Variants in LUC7L3 observed in about 807,000 individuals in gnomAD.
The protein encoded by LUC7L3 is luc7-like protein 3.
Under a neutral mutation model 66.8 loss-of-function variants are expected in LUC7L3, and 6 were observed. The observed-to-expected ratio is 0.09, with a 90% CI of 0.05 to 0.18. The LOEUF is 0.18. Among genes scored for constraint, LUC7L3 ranks in the 10% least tolerant of loss-of-function variants. The pLI, the probability that LUC7L3 is intolerant of heterozygous loss-of-function variation, is 1.00. For synonymous variants in LUC7L3, 160 were observed against 174.7 expected (o/e 0.92, Z 0.66); for missense variants, 341 against 531.1 (o/e 0.64, Z 3.52).
chr17:50,752,223 A>G lies in LUC7L3; in HGVS notation c.*1562A>G, dbSNP rs1971006969. 1.6e-6 allele frequency: 2 copies of G among 1,286,746 alleles called. No individual in the cohort carries two copies. Among genetic ancestry groups the G allele is most frequent in the Non-Finnish European group, 2.0e-6 (2 of 987,370 alleles). The allele number at this position is 1,286,746 out of a possible 1,614,324, so 79.7% of individuals were successfully genotyped here. On this transcript the variant is annotated 3_prime_UTR_variant, in exon 10 of 10. Coordinates refer to ENST00000505658, the MANE Select transcript of LUC7L3 (RefSeq NM_016424.5). Reference sequence around the variant, plus strand: ...AGGACTACTGTTCGAAGATTTTTGGAAGAATACTGAGAACGGCATAAAGTG... The same window carrying G: ...AGGACTACTGTTCGAAGATTTTTGGGAGAATACTGAGAACGGCATAAAGTG...
chr17:50,737,966 T>C (rs1970086544), intron 2 of LUC7L3: 1 of 316,350 alleles, frequency 3.2e-6, no homozygotes, highest in Admixed American at 4.5e-5. Flanking sequence ...CCTTAGAGCA[T>C]TAGGAGCATA....
intron 1 of LUC7L3, among the ~76,000 whole-genome samples, chr17:50,721,429 A>T (rs150791331): frequency 8.9e-4 from 135 of 152,304 alleles, no homozygotes; most frequent in Middle Eastern, 3.4e-3. Context: ...ATAGCAATTT[A>T]GGTTTTATGT....
rs1406506564 is a variant in LUC7L3 at position 50,741,083 on chromosome 17, T to C, written c.207-19T>C. On this transcript the variant is annotated intron_variant, in intron 3 of 9. Transcript: ENST00000505658. Reference sequence around the variant, plus strand: ...CTGAAGATTTGGAAATGAGTACTTGTTTATTTTCATGTTACCAGGTATGAG... The same window carrying C: ...CTGAAGATTTGGAAATGAGTACTTGCTTATTTTCATGTTACCAGGTATGAG... The C allele has an allele frequency of 6.2e-7, 1 of 1,613,696 alleles. No individual in the cohort carries two copies. Among genetic ancestry groups the C allele is most frequent in the African/African-American group, 1.3e-5 (1 of 75,026 alleles).
chr17:50,735,736 T>G (rs535402656), intron 1 of LUC7L3, among the ~76,000 whole-genome samples: 1 of 152,224 alleles, frequency 6.6e-6, no homozygotes, highest in African/African-American at 2.4e-5. Context: ...GGGCTAAAGT[T>G]ATCCTCCTGC....
At chr17:50,729,429 C>G (rs1272864735) in intron 1 of LUC7L3, among the ~76,000 whole-genome samples, 1 of 152,164 alleles carries the variant, frequency 6.6e-6, no homozygotes, top group East Asian at 1.9e-4. Context: ...ACAATAATTT[C>G]ATTGTAATAT....
chr17:50,751,462 A>T lies in LUC7L3; in HGVS notation c.*801A>T. 8.0e-7 allele frequency: 1 copy of T among 1,248,022 alleles called. No individual in the cohort carries two copies. Among genetic ancestry groups the T allele is most frequent in the Non-Finnish European group, 1.0e-6 (1 of 966,148 alleles). The allele number at this position is 1,248,022 out of a possible 1,614,324, so 77.3% of individuals were successfully genotyped here. A position where few individuals can be genotyped will look rare whatever the true frequency, so the allele number is the denominator to read the frequency against. On this transcript the variant is annotated 3_prime_UTR_variant, in exon 10 of 10. Coordinates refer to ENST00000505658, the MANE Select transcript of LUC7L3 (RefSeq NM_016424.5). Reference sequence around the variant, plus strand: ...CTGTTGTGTATCTTTTTTGTTCTTTACAAGAAGTGCAGAGGGGTTTTTTGT... The same window carrying T: ...CTGTTGTGTATCTTTTTTGTTCTTTTCAAGAAGTGCAGAGGGGTTTTTTGT...
chr17:50,729,413 T>C (rs912621745), intron 1 of LUC7L3, among the ~76,000 whole-genome samples: 1 of 152,236 alleles, frequency 6.6e-6, no homozygotes, highest in Non-Finnish European at 1.5e-5. Flanking sequence ...TACAGACTTT[T>C]ATTTTACAAT....
rs1455091130 is a variant in LUC7L3 at position 50,753,839 on chromosome 17, A to G, written c.*3178A>G. On this transcript the variant is annotated 3_prime_UTR_variant, in exon 10 of 10. Coordinates refer to ENST00000505658, the MANE Select transcript of LUC7L3 (RefSeq NM_016424.5). ...AACGTCTAACTAACTTAAATGAAGT[A>G]TAATAAATGAGTTCATATGAAAAGG... 6.6e-6 allele frequency: 1 copy of G among 152,238 alleles called. No homozygotes were observed. Among genetic ancestry groups the G allele is most frequent in the Non-Finnish European group, 1.5e-5 (1 of 68,034 alleles). The allele number at this position is 152,238 out of a possible 1,614,324, so 9.4% of individuals were successfully genotyped here.
At chr17:50,723,188 A>C (rs1051548543) in intron 1 of LUC7L3, 1 of 152,218 alleles carries the variant, frequency 6.6e-6, no homozygotes, top group Non-Finnish European at 1.5e-5. Flanking sequence ...TGAGGTTTTT[A>C]TATTCTAGAT....
chr17:50,726,737 T>C (rs953078877), intron 1 of LUC7L3, among the ~76,000 whole-genome samples: 3 of 152,186 alleles, frequency 2.0e-5, no homozygotes, highest in Non-Finnish European at 4.4e-5. Flanking sequence ...AGCTTACTTA[T>C]AGTTATTTTT....
intron 9 of LUC7L3, 93 bp from the exon 10 acceptor site, chr17:50,750,408 C>T: frequency 8.5e-7 from 1 of 1,175,212 alleles, no homozygotes; most frequent in Admixed American, 2.3e-5. Flanking sequence ...AAATGATTGT[C>T]TCTCATCTCT....
chr17:50,742,313 A>C, intron 5 of LUC7L3, among the ~76,000 whole-genome samples: 1 of 151,794 alleles, frequency 6.6e-6, no homozygotes, highest in Non-Finnish European at 1.5e-5. Context: ...AAATAGTCTC[A>C]TTTTTTTCTT....
At position 50,749,925 on chromosome 17, in the gene LUC7L3, C is replaced by G. The variant is rs182153598; in HGVS notation, c.1139-576C>G. Reference sequence around the variant, plus strand: ...CAACTCTCAGATGGCATATATATTACTTTTCTTAGCAAAGCACAAAAGTTC... The same window carrying G: ...CAACTCTCAGATGGCATATATATTAGTTTTCTTAGCAAAGCACAAAAGTTC... On this transcript the variant is annotated intron_variant, in intron 9 of 9. Transcript: ENST00000505658. Among the ~76,000 whole-genome samples the G allele has an allele frequency of 2.0e-4, 30 of 152,260 alleles. No individual in the cohort carries two copies. In the East Asian group the frequency reaches 5.4e-3, roughly 27 times the overall value.
chr17:50,730,153 G>T (rs557457862), intron 1 of LUC7L3, among the ~76,000 whole-genome samples: 104 of 151,408 alleles, frequency 6.9e-4, no homozygotes, highest in Admixed American at 1.1e-3. Context: ...TTTTGTATTG[G>T]TGGAGATGGG....
chr17:50,747,661 G>GT (rs968403846), intron 9 of LUC7L3, among the ~76,000 whole-genome samples: 5 of 152,044 alleles, frequency 3.3e-5, no homozygotes, highest in African/African-American at 1.2e-4. Context: ...AACTGTCCTG[G>GT]TTTTTTGTTT....
chr17:50,726,855 C>G (rs190982338), intron 1 of LUC7L3, among the ~76,000 whole-genome samples: 1 of 151,910 alleles, frequency 6.6e-6, no homozygotes, highest in Non-Finnish European at 1.5e-5. Context: ...TTTGGGAGGC[C>G]GAGGTGGGCG....
At chr17:50,744,516 G>T (rs867407378) in intron 6 of LUC7L3, 136 bp from the exon 7 acceptor site, 7 of 758,586 alleles carry the variant, frequency 9.2e-6, no homozygotes, top group Middle Eastern at 7.8e-4. Flanking sequence ...ACCACTTGTA[G>T]TCCAATATTA....
chr17:50,750,340 A>G (rs938079089), intron 9 of LUC7L3, among the ~76,000 whole-genome samples, 161 bp from the exon 10 acceptor site: 16 of 152,126 alleles, frequency 1.1e-4, no homozygotes, highest in African/African-American at 3.9e-4. Flanking sequence ...TCTCTCTCAT[A>G]TATTACAAAT....
intron 7 of LUC7L3, among the ~76,000 whole-genome samples, chr17:50,745,324 A>G (rs981960750): frequency 2.0e-5 from 3 of 152,172 alleles, no homozygotes; most frequent in African/African-American, 7.2e-5. Context: ...AAAAAAATCT[A>G]TTTTAGCTAT....
Sources: gnomAD v4.1 joint callset for allele counts (sites outside exome capture counted in the v4.1 genomes callset) on GRCh38, gnomAD v4.1.1 for gene constraint, MANE v1.5 for transcripts, NCBI Gene and HGNC (gene_info 2026-07-23, HGNC 2026-07-21) for gene names.